Variants in ANOS1 observed in about 807,000 individuals in gnomAD.
The protein encoded by ANOS1 is anosmin 1.
A neutral mutation model predicts 59.0 loss-of-function variants in ANOS1; 6 were observed. The ratio of observed to expected loss-of-function variants is 0.10; its 90% CI spans 0.06 to 0.20. The LOEUF is 0.20. Ranked by LOEUF, ANOS1 falls within the 10% of genes least tolerant of loss-of-function variation. ANOS1 has a pLI of 1.00. For synonymous variants in ANOS1, 217 were observed against 223.4 expected (o/e 0.97, Z 0.25); for missense variants, 433 against 542.3 (o/e 0.80, Z 2.00).
In ANOS1 at chrX:8,621,585, T is replaced by C. The variant is rs560966391; in HGVS notation, c.318+2023A>G. The stretch of plus-strand genomic sequence containing the variant: ...TATAACACATAATACAAAGTAAATA[T>C]CATTGTGTTACTTTTGTACAGCTTG... On this transcript the variant is annotated intron_variant, in intron 3 of 13. Transcript: ENST00000262648. Among the ~76,000 whole-genome samples, 3 of 111,944 alleles carry C rather than the reference T, an allele frequency of 2.7e-5. No individual in the cohort carries two copies. In the Admixed American group the frequency reaches 2.9e-4, roughly 11 times the overall value.
intron 8 of ANOS1, among the ~76,000 whole-genome samples, chrX:8,558,417 A>G (rs1041830171): frequency 3.6e-5 from 4 of 109,778 alleles, no homozygotes; most frequent in African/African-American, 1.3e-4. Flanking sequence ...GTGTAACCGC[A>G]TGTTCTTTCA....
chrX:8,605,359 T>C (rs966846406), intron 3 of ANOS1, among the ~76,000 whole-genome samples: 3 of 109,189 alleles, frequency 2.7e-5, no homozygotes, highest in Non-Finnish European at 5.7e-5. Flanking sequence ...ATGAAAAGGG[T>C]TAGAAAAGAG....
chrX:8,534,065 G>A (rs780564671), intron 13 of ANOS1, among the ~76,000 whole-genome samples: 7 of 108,783 alleles, frequency 6.4e-5, no homozygotes, highest in Non-Finnish European at 1.3e-4. Context: ...CAAAGAAAGG[G>A]AGAAAAGCGG....
intron 8 of ANOS1, among the ~76,000 whole-genome samples, chrX:8,565,542 T>C (rs1162772412): frequency 8.9e-6 from 1 of 112,239 alleles, no homozygotes; most frequent in Non-Finnish European, 1.9e-5. Context: ...AGCAGAAACA[T>C]AATACTAATT....
At chrX:8,680,366 T>C (rs1294741111) in intron 2 of ANOS1, among the ~76,000 whole-genome samples, 7 of 110,611 alleles carry the variant, frequency 6.3e-5, no homozygotes, top group African/African-American at 1.3e-4. Flanking sequence ...ATAAAAATGT[T>C]ACTTTTATAA....
At chrX:8,618,085 C>T (rs1931207499) in intron 3 of ANOS1, among the ~76,000 whole-genome samples, 1 of 112,044 alleles carries the variant, frequency 8.9e-6, no homozygotes, top group Admixed American at 9.5e-5. Context: ...TAAATCTCTT[C>T]TCCTTGTGTA....
In ANOS1 at chrX:8,552,948, G is replaced by C. The variant is rs1548317; in HGVS notation, c.1354+1004C>G. Among the ~76,000 whole-genome samples, 7 of 109,306 alleles carry C rather than the reference G, an allele frequency of 6.4e-5. No homozygotes were observed. The East Asian group carries it at 1.7e-3, about 26-fold the overall frequency. 94.9% of individuals were successfully genotyped at this position (109,306 alleles called of 115,157 possible). A position where few individuals can be genotyped will look rare whatever the true frequency, so the allele number is the denominator to read the frequency against. On this transcript the variant is annotated intron_variant, in intron 9 of 13. Coordinates refer to ENST00000262648, the MANE Select transcript of ANOS1 (RefSeq NM_000216.4). ...AATAATATTATTTTACTTGCAGAATGGATTTCAGCAGCTTGAAAGAAAATC... is the reference window on the plus strand; with the variant it reads ...AATAATATTATTTTACTTGCAGAATCGATTTCAGCAGCTTGAAAGAAAATC...
intron 2 of ANOS1, among the ~76,000 whole-genome samples, chrX:8,684,367 G>A (rs960927980): frequency 2.7e-5 from 3 of 111,370 alleles, no homozygotes; most frequent in East Asian, 2.9e-4. Context: ...AAGATTCTAG[G>A]AAGGGATTAT....
At chrX:8,694,009 A>G (rs1932645905) in intron 2 of ANOS1, among the ~76,000 whole-genome samples, 1 of 111,396 alleles carries the variant, frequency 9.0e-6, no homozygotes, top group Non-Finnish European at 1.9e-5. Flanking sequence ...GGCGTGGGCC[A>G]CCGCCCCAGG....
chrX:8,602,899 C>A (rs1930871112), intron 3 of ANOS1, among the ~76,000 whole-genome samples: 1 of 110,951 alleles, frequency 9.0e-6, no homozygotes, highest in Non-Finnish European at 1.9e-5. Flanking sequence ...CCACCATGTC[C>A]AGCTAATTTT....
At chrX:8,700,542 G>T (rs781584275) in intron 1 of ANOS1, among the ~76,000 whole-genome samples, 5 of 111,591 alleles carry the variant, frequency 4.5e-5, no homozygotes, top group African/African-American at 1.6e-4. Context: ...AACTACATCA[G>T]ATCCCACGTG....
At chrX:8,708,942 G>T (rs1217027863) in intron 1 of ANOS1, among the ~76,000 whole-genome samples, 2 of 111,686 alleles carry the variant, frequency 1.8e-5, no homozygotes, top group Non-Finnish European at 3.8e-5. Context: ...CATAAAAAAG[G>T]ATGAGTTCAT....
At chrX:8,665,202 T>C (rs768884537) in intron 2 of ANOS1, among the ~76,000 whole-genome samples, 55 of 112,163 alleles carry the variant, frequency 4.9e-4, no homozygotes, top group African/African-American at 1.7e-3. Context: ...TCAAAACAAA[T>C]AATGGTGGGA....
intron 2 of ANOS1, among the ~76,000 whole-genome samples, chrX:8,629,895 C>T (rs2146850986): frequency 8.9e-6 from 1 of 112,249 alleles, no homozygotes; most frequent in South Asian, 3.7e-4. Context: ...ATGAATAGAA[C>T]CCATGCTAAA....
chrX:8,642,932 C>A (rs1314467249), intron 2 of ANOS1, among the ~76,000 whole-genome samples: 2 of 112,260 alleles, frequency 1.8e-5, no homozygotes, highest in African/African-American at 6.5e-5. Context: ...ATCATCAACA[C>A]ATAAAAATGG....
rs73465334 is a variant in ANOS1, at chrX:8,645,132, A to T, written c.256-21462T>A. On this transcript the variant is annotated intron_variant, in intron 2 of 13. Coordinates refer to ENST00000262648, the MANE Select transcript of ANOS1 (RefSeq NM_000216.4). ...TTTCCCATGTGTAATTTCAAAATGC[A>T]ATGCTTTCACTGTAAAAGAACTCAG... 6.2e-3 allele frequency among the ~76,000 whole-genome samples: 694 copies of T among 112,598 alleles called. 7 individuals carry two copies. The highest frequency in any genetic ancestry group is 0.021 in the African/African-American group (661 of 31,029).
At position 8,567,491 on chromosome X, in the gene ANOS1, A is replaced by G. The variant is rs148034261; in HGVS notation, c.1207+741T>C. Among the ~76,000 whole-genome samples the G allele has an allele frequency of 9.0e-3, 1,014 of 112,091 alleles. 7 individuals carry two copies. The highest frequency in any genetic ancestry group is 0.011 in the Non-Finnish European group (606 of 53,244). The stretch of plus-strand genomic sequence containing the variant: ...ATTTGGGAGATAAATATGTAAAACA[A>G]TTGCACAAAAATAAGTGTATTGTAT... On this transcript the variant is annotated intron_variant, in intron 8 of 13. Transcript: ENST00000262648.
At chrX:8,584,751 T>G (rs747129396) in intron 6 of ANOS1, among the ~76,000 whole-genome samples, 11 of 112,274 alleles carry the variant, frequency 9.8e-5, no homozygotes, top group Non-Finnish European at 1.9e-4. Flanking sequence ...GTTGATCTGA[T>G]TACACAGAGG....
chrX:8,698,572 T>C (rs1277474340), intron 2 of ANOS1, among the ~76,000 whole-genome samples: 2 of 112,043 alleles, frequency 1.8e-5, no homozygotes, highest in East Asian at 2.8e-4. Flanking sequence ...ATTAATATAA[T>C]CAATACCAGA....
Sources: gnomAD v4.1 joint callset for allele counts (sites outside exome capture counted in the v4.1 genomes callset) on GRCh38, gnomAD v4.1.1 for gene constraint, MANE v1.5 for transcripts, NCBI Gene and HGNC (gene_info 2026-07-23, HGNC 2026-07-21) for gene names.